The following EPHA7 variants were observed in gnomAD, a reference collection of about 807,000 sequenced individuals.
EPHA7 encodes the protein ephrin type-A receptor 7.
A neutral mutation model predicts 112.6 loss-of-function variants in EPHA7; 25 were observed. The observed-to-expected ratio is 0.22, with a 90% CI of 0.16 to 0.31. The LOEUF is 0.31. Among genes scored for constraint, EPHA7 ranks in the 10% least tolerant of loss-of-function variants. EPHA7 has a pLI of 1.00. For synonymous variants in EPHA7, 437 were observed against 406.5 expected (o/e 1.07, Z -0.90); for missense variants, 962 against 1,212.6 (o/e 0.79, Z 3.07).
chr6:93,283,950 A>G (rs1490179491), intron 5 of EPHA7, among the ~76,000 whole-genome samples: 1 of 152,168 alleles, frequency 6.6e-6, no homozygotes, highest in Non-Finnish European at 1.5e-5. Flanking sequence ...TACATAAAAT[A>G]TAATTGAAGG....
At chr6:93,319,437 A>C (rs1251989565) in intron 5 of EPHA7, among the ~76,000 whole-genome samples, 2 of 152,090 alleles carry the variant, frequency 1.3e-5, no homozygotes, top group Non-Finnish European at 2.9e-5. Flanking sequence ...TAGTAAAGAG[A>C]CTAGCATGCC....
At chr6:93,387,873 A>G (rs1048195422) in intron 3 of EPHA7, among the ~76,000 whole-genome samples, 2 of 152,076 alleles carry the variant, frequency 1.3e-5, no homozygotes, top group Admixed American at 6.6e-5. Context: ...ATTACAATTC[A>G]AGATGAGATT....
At chr6:93,357,909 C>T (rs747079600) in intron 4 of EPHA7, among the ~76,000 whole-genome samples, 41 of 152,138 alleles carry the variant, frequency 2.7e-4, no homozygotes, top group Non-Finnish European at 4.4e-4. Flanking sequence ...ATCCACCCGC[C>T]TTGGCCTCCC....
chr6:93,250,916 T>C (rs1770179031), intron 14 of EPHA7, among the ~76,000 whole-genome samples: 1 of 152,122 alleles, frequency 6.6e-6, no homozygotes, highest in South Asian at 2.1e-4. Context: ...TGTAAAGCAA[T>C]ACTTAGAAAT....
rs369036580 is a variant in EPHA7 at position 93,410,266 on chromosome 6, G to A, written c.832+235C>T. 49 of 514,372 alleles carry A rather than the reference G, an allele frequency of 9.5e-5. No homozygotes were observed. The highest frequency in any genetic ancestry group is 7.4e-4 in the East Asian group (23 of 31,110). 31.9% of individuals were successfully genotyped at this position (514,372 alleles called of 1,614,324 possible). ...CTATTGACTTCCATGTTAAGCATAGGACACATTAAATTTTAGTAACAAATT... is the reference window on the plus strand; with the variant it reads ...CTATTGACTTCCATGTTAAGCATAGAACACATTAAATTTTAGTAACAAATT... On this transcript the variant is annotated intron_variant, in intron 3 of 16. Coordinates refer to ENST00000369303, the MANE Select transcript of EPHA7 (RefSeq NM_004440.4). This position sits in a 1 kb window ranked among gnomAD's most constrained non-coding sequence, Gnocchi z 4.0.
intron 3 of EPHA7, among the ~76,000 whole-genome samples, chr6:93,409,115 G>T (rs1778853593): frequency 6.6e-6 from 1 of 151,916 alleles, no homozygotes; most frequent in African/African-American, 2.4e-5. Context: ...TATAGCACAG[G>T]TCTAAACTTT....
intron 5 of EPHA7, among the ~76,000 whole-genome samples, chr6:93,283,619 G>A (rs568287671): frequency 5.9e-5 from 9 of 152,058 alleles, no homozygotes; most frequent in African/African-American, 2.2e-4. Context: ...CACTCACCGC[G>A]AAGGTCTGCA....
At chr6:93,323,829 T>C (rs955345378) in intron 5 of EPHA7, among the ~76,000 whole-genome samples, 1 of 151,472 alleles carries the variant, frequency 6.6e-6, no homozygotes, top group South Asian at 2.1e-4. Flanking sequence ...TGGATCTCCA[T>C]CTGCTCAACT....
intron 5 of EPHA7, among the ~76,000 whole-genome samples, chr6:93,289,749 T>C (rs576612574): frequency 6.6e-6 from 1 of 152,360 alleles, no homozygotes; most frequent in East Asian, 1.9e-4. Flanking sequence ...ACATTTTGTC[T>C]GCATGCCTAA....
At chr6:93,394,801 C>T (rs552130178) in intron 3 of EPHA7, among the ~76,000 whole-genome samples, 1 of 151,876 alleles carries the variant, frequency 6.6e-6, no homozygotes, top group African/African-American at 2.4e-5. Context: ...TCTACCGTGT[C>T]AGATAATTAC....
intron 5 of EPHA7, among the ~76,000 whole-genome samples, chr6:93,298,322 C>T (rs1412102384): frequency 6.6e-6 from 1 of 151,952 alleles, no homozygotes; most frequent in Non-Finnish European, 1.5e-5. Context: ...AAAATTTAAG[C>T]CATTTAACAA....
chr6:93,251,475 G>A (rs1318236577), intron 14 of EPHA7, among the ~76,000 whole-genome samples: 3 of 149,806 alleles, frequency 2.0e-5, no homozygotes, highest in South Asian at 2.1e-4. Context: ...ACTTTCTTAC[G>A]TTATTTTTTT....
intron 5 of EPHA7, among the ~76,000 whole-genome samples, chr6:93,280,228 C>G (rs1023650069): frequency 1.3e-5 from 2 of 152,082 alleles, no homozygotes; most frequent in Non-Finnish European, 2.9e-5. Flanking sequence ...CAGTAAAGAG[C>G]AAAACACACA....
intron 5 of EPHA7, among the ~76,000 whole-genome samples, chr6:93,301,537 A>C (rs1467193689): frequency 6.6e-6 from 1 of 152,156 alleles, no homozygotes; most frequent in Non-Finnish European, 1.5e-5. Context: ...TTATATAATA[A>C]ATTTAATAGC....
At chr6:93,313,471 A>G (rs1304142670) in intron 5 of EPHA7, among the ~76,000 whole-genome samples, 6 of 151,970 alleles carry the variant, frequency 3.9e-5, no homozygotes, top group Admixed American at 3.3e-4. Flanking sequence ...TTCAGGAAAC[A>G]CTTAACTGCT....
intron 5 of EPHA7, among the ~76,000 whole-genome samples, chr6:93,273,488 T>TA (rs1294594721): frequency 1.3e-5 from 2 of 152,012 alleles, no homozygotes; most frequent in Admixed American, 6.6e-5. Context: ...TTTATTTTGT[T>TA]TCTTCTACTT....
intron 3 of EPHA7, among the ~76,000 whole-genome samples, chr6:93,372,464 G>A (rs1776850133): frequency 6.6e-6 from 1 of 152,070 alleles, no homozygotes; most frequent in Non-Finnish European, 1.5e-5. Context: ...TGCTACAGAT[G>A]TTAAAAGATA....
At chr6:93,414,182 T>C (rs1779112112) in intron 2 of EPHA7, among the ~76,000 whole-genome samples, 1 of 151,930 alleles carries the variant, frequency 6.6e-6, no homozygotes, top group African/African-American at 2.4e-5. Context: ...GCACATAATA[T>C]AAATTTGGAG....
chr6:93,323,093 C>A (rs1228152901), intron 5 of EPHA7, among the ~76,000 whole-genome samples: 1 of 151,574 alleles, frequency 6.6e-6, no homozygotes, highest in Non-Finnish European at 1.5e-5. Context: ...TAAACAACTT[C>A]AAATGCATAA....
Sources: allele counts gnomAD v4.1 joint callset (sites outside exome capture counted in the v4.1 genomes callset), GRCh38; gene constraint gnomAD v4.1.1; non-coding constraint Gnocchi (gnomAD v3.1); transcripts MANE v1.5; gene names NCBI Gene and HGNC (gene_info 2026-07-23, HGNC 2026-07-21).